The following OSBPL3 variants were observed in gnomAD, a reference collection of about 807,000 sequenced individuals.
OSBPL3 encodes oxysterol binding protein like 3.
In OSBPL3, 65 loss-of-function variants were observed where a neutral mutation model predicts 120.1. That is an observed-to-expected ratio of 0.54 (90% confidence interval 0.44 to 0.67). OSBPL3 has a LOEUF of 0.67. Ranked by LOEUF, OSBPL3 falls within the 30% of genes least tolerant of loss-of-function variation. OSBPL3 has a pLI of 0.00. For synonymous variants in OSBPL3, 416 were observed against 402.6 expected (o/e 1.03, Z -0.40); for missense variants, 1,004 against 1,082.1 (o/e 0.93, Z 1.01).
rs745931419 is a variant in OSBPL3, at chr7:24,834,368, C to T, written c.1746+118G>A. The T allele has an allele frequency of 1.3e-5, 19 of 1,513,840 alleles. No homozygotes were observed. The highest frequency in any genetic ancestry group is 4.5e-5 in the Admixed American group (2 of 44,580). 93.8% of individuals were successfully genotyped at this position (1,513,840 alleles called of 1,614,324 possible). A position where few individuals can be genotyped will look rare whatever the true frequency, so the allele number is the denominator to read the frequency against. Reference sequence around the variant, plus strand: ...CAGCTCTGAGTAATGAACCTGTTTACGGAACAATCAAAATGAAACCGGAGG... The same window carrying T: ...CAGCTCTGAGTAATGAACCTGTTTATGGAACAATCAAAATGAAACCGGAGG... On this transcript the variant is annotated intron_variant, in intron 15 of 22. Transcript: ENST00000313367. This position sits in a 1 kb window ranked among gnomAD's most constrained non-coding sequence, Gnocchi z 5.2.
At chr7:24,832,459 G>A (rs111985401) in intron 15 of OSBPL3, among the ~76,000 whole-genome samples, 3,504 of 143,752 alleles carry the variant, frequency 0.024, 156 homozygotes, top group African/African-American at 0.084. Context: ...GCAGTGAGCC[G>A]AGATTGTGCC....
intron 2 of OSBPL3, among the ~76,000 whole-genome samples, chr7:24,876,271 C>T (rs17150392): frequency 0.02 from 3,063 of 152,228 alleles, 102 homozygotes; most frequent in African/African-American, 0.07. Context: ...TCTTTTCCAA[C>T]GATGTGAACT....
rs1802024825 is a variant in OSBPL3, at chr7:24,870,950, T to C, written c.268-105A>G. 1.1e-5 allele frequency: 8 copies of C among 756,580 alleles called. No individual in the cohort carries two copies. The Admixed American group carries it at 1.1e-4, about 11-fold the overall frequency. The allele number at this position is 756,580 out of a possible 1,614,324, so 46.9% of individuals were successfully genotyped here. On this transcript the variant is annotated intron_variant, in intron 4 of 22. Coordinates refer to ENST00000313367, the MANE Select transcript of OSBPL3 (RefSeq NM_015550.4). ...CCCCTGATAGTAAAATCACAAACACTGCGACTCATCAAGCACTTAGCGTGA... is the reference window on the plus strand; with the variant it reads ...CCCCTGATAGTAAAATCACAAACACCGCGACTCATCAAGCACTTAGCGTGA...
At chr7:24,944,624 CAAA>C (rs34339147) in intron 1 of OSBPL3, among the ~76,000 whole-genome samples, 18 of 131,934 alleles carry the variant, frequency 1.4e-4, no homozygotes, top group African/African-American at 5.2e-4. Context: ...AGCGAGACTC[CAAA>C]AAAAAAAAAA....
At position 24,805,211 on chromosome 7, in the gene OSBPL3, G is replaced by A. The variant is rs968317997; in HGVS notation, c.2445-774C>T. Among the ~76,000 whole-genome samples the A allele has an allele frequency of 7.9e-5, 12 of 152,178 alleles. No individual in the cohort carries two copies. Among genetic ancestry groups the A allele is most frequent in the African/African-American group, 2.7e-4 (11 of 41,424 alleles). On this transcript the variant is annotated intron_variant, in intron 21 of 22. Coordinates refer to ENST00000313367, the MANE Select transcript of OSBPL3 (RefSeq NM_015550.4). This position sits in a 1 kb window ranked among gnomAD's most constrained non-coding sequence, Gnocchi z 4.0. Reference sequence around the variant, plus strand: ...TTTATATTCCCATCAGCAATGCTGAGAGTGCCCTTTTCTCCCATAACCTCA... The same window carrying A: ...TTTATATTCCCATCAGCAATGCTGAAAGTGCCCTTTTCTCCCATAACCTCA...
rs1801467011 is a variant in OSBPL3 at position 24,867,290 on chromosome 7, T to G, written c.382-1053A>C. ...TAATTCAGACTTTTCAGATTAATCT[T>G]TTCTGAACTGGAATGAATTAGTAAA... On this transcript the variant is annotated intron_variant, in intron 5 of 22. Coordinates refer to ENST00000313367, the MANE Select transcript of OSBPL3 (RefSeq NM_015550.4). This position sits in a 1 kb window ranked among gnomAD's most constrained non-coding sequence, Gnocchi z 4.5. Among the ~76,000 whole-genome samples, 1 of 152,248 alleles carries G rather than the reference T, an allele frequency of 6.6e-6. No homozygotes were observed. The highest frequency in any genetic ancestry group is 1.5e-5 in the Non-Finnish European group (1 of 68,042).
intron 1 of OSBPL3, among the ~76,000 whole-genome samples, chr7:24,977,041 T>C (rs1291185794): frequency 6.6e-6 from 1 of 152,094 alleles, no homozygotes; most frequent in East Asian, 1.9e-4. Context: ...CAGGAGCTTT[T>C]GGAATTAGTA....
intron 10 of OSBPL3, among the ~76,000 whole-genome samples, chr7:24,859,922 C>T (rs1410752296): frequency 6.6e-6 from 1 of 152,048 alleles, no homozygotes; most frequent in South Asian, 2.1e-4. Context: ...ATTTTTTTAA[C>T]CTTTTATTTT....
rs1004338617 is a variant in OSBPL3, at chr7:24,797,369, C to T, written c.*2814G>A. The T allele has an allele frequency of 1.5e-4, 23 of 152,214 alleles. No homozygotes were observed. Among genetic ancestry groups the T allele is most frequent in the African/African-American group, 4.6e-4 (19 of 41,432 alleles). 9.4% of individuals were successfully genotyped at this position (152,214 alleles called of 1,614,324 possible). ...TCACAGGAAGCACAGGACACCTGTG[C>T]GGCTGTTTGGGCATCCTGGGTACTT... On this transcript the variant is annotated 3_prime_UTR_variant, in exon 23 of 23. Transcript: ENST00000313367. This position sits in a 1 kb window ranked among gnomAD's most constrained non-coding sequence, Gnocchi z 4.8.
At chr7:24,866,267 C>G (rs1584433808) in intron 5 of OSBPL3, 30 bp from the exon 6 acceptor site, 2 of 1,498,158 alleles carry the variant, frequency 1.3e-6, no homozygotes, top group Non-Finnish European at 9.3e-7. Context: ...AAAAAGGAAA[C>G]AAGAGAATCA....
intron 12 of OSBPL3, among the ~76,000 whole-genome samples, chr7:24,844,513 A>C (rs1381628716): frequency 1.3e-5 from 2 of 152,170 alleles, no homozygotes; most frequent in Middle Eastern, 3.2e-3. Context: ...AAACAGAGAA[A>C]AGGGAGGGAA....
intron 1 of OSBPL3, among the ~76,000 whole-genome samples, chr7:24,929,779 C>T (rs550240542): frequency 2.0e-4 from 31 of 152,054 alleles, no homozygotes; most frequent in African/African-American, 7.0e-4. Flanking sequence ...TTTTAAAAAA[C>T]GTTTCTGATT....
rs1811990637 is a variant in OSBPL3 at position 24,933,136 on chromosome 7, G to A, written c.-149-40515C>T. ...CACGCACGCAGACGCCTGCAGAACT[G>A]GGACCCAGCTGAGAGGGGGGTTCGC... is the stretch of plus-strand genomic sequence containing the variant. On this transcript the variant is annotated intron_variant, in intron 1 of 22. Coordinates refer to ENST00000313367, the MANE Select transcript of OSBPL3 (RefSeq NM_015550.4). This position sits in a 1 kb window ranked among gnomAD's most constrained non-coding sequence, Gnocchi z 5.1. Among the ~76,000 whole-genome samples, 1 of 152,202 alleles carries A rather than the reference G, an allele frequency of 6.6e-6. No homozygotes were observed. The highest frequency in any genetic ancestry group is 1.5e-5 in the Non-Finnish European group (1 of 68,038).
intron 1 of OSBPL3, among the ~76,000 whole-genome samples, chr7:24,931,402 C>T (rs1052029870): frequency 7.2e-5 from 11 of 152,160 alleles, no homozygotes; most frequent in Admixed American, 3.9e-4. Flanking sequence ...GGGAGATTAT[C>T]CTGGATTGTC....
rs1812827170 is a variant in OSBPL3, at chr7:24,939,475, G to A, written c.-150+40411C>T. Among the ~76,000 whole-genome samples the A allele has an allele frequency of 6.6e-6, 1 of 152,160 alleles. No homozygotes were observed. ...AGCAAGTGCATCTGAAACAATCCTG[G>A]CCAATGGAACTCTAGGGAAAGTTTG... On this transcript the variant is annotated intron_variant, in intron 1 of 22. Coordinates refer to ENST00000313367, the MANE Select transcript of OSBPL3 (RefSeq NM_015550.4). This position sits in a 1 kb window ranked among gnomAD's most constrained non-coding sequence, Gnocchi z 4.2.
chr7:24,895,427 CAGGTTTGCT>C, intron 1 of OSBPL3, among the ~76,000 whole-genome samples: 1 of 152,292 alleles, frequency 6.6e-6, no homozygotes, highest in East Asian at 1.9e-4. Context: ...CTCTGCTATT[CAGGTTTGCT>C]AAGTATACTC....
chr7:24,931,983 C>T (rs977056057), intron 1 of OSBPL3, among the ~76,000 whole-genome samples: 1 of 152,138 alleles, frequency 6.6e-6, no homozygotes, highest in Non-Finnish European at 1.5e-5. Context: ...TGTGTCATCG[C>T]GTAAACACAA....
intron 1 of OSBPL3, among the ~76,000 whole-genome samples, chr7:24,928,945 C>G (rs2391006): frequency 0.73 from 111,431 of 152,132 alleles, 41,156 homozygotes; most frequent in African/African-American, 0.81. Flanking sequence ...CCAGTTTTTA[C>G]TTGTTACAAT....
intron 2 of OSBPL3, among the ~76,000 whole-genome samples, chr7:24,887,501 A>G (rs1331596406): frequency 6.6e-6 from 1 of 152,216 alleles, no homozygotes; most frequent in Admixed American, 6.5e-5. Context: ...AAAGACTGTC[A>G]ATGTCTTTTA....
Sources: allele counts gnomAD v4.1 joint callset (sites outside exome capture counted in the v4.1 genomes callset), GRCh38; gene constraint gnomAD v4.1.1; non-coding constraint Gnocchi (gnomAD v3.1); transcripts MANE v1.5; gene names NCBI Gene and HGNC (gene_info 2026-07-23, HGNC 2026-07-21).